Variants in FAM162B observed in about 807,000 individuals in gnomAD.
FAM162B encodes the protein family with sequence similarity 162 member B.
FAM162B carries 16 observed loss-of-function variants against 20.0 expected under a neutral mutation model. The observed-to-expected ratio is 0.80, with a 90% CI of 0.54 to 1.21. The LOEUF is 1.21. Ranked by LOEUF, FAM162B falls within the 50% of genes most tolerant of loss-of-function variation. The pLI, the probability that FAM162B is intolerant of heterozygous loss-of-function variation, is 0.00. For missense variants in FAM162B, 260 were observed against 227.5 expected, an observed-to-expected ratio of 1.14 and a Z score of -0.92; for synonymous variants, 83 against 89.7, an observed-to-expected ratio of 0.93 and a Z score of 0.42.
At chr6:116,752,742 G>GTATC (rs1554259855) in intron 3 of FAM162B, 47 bp from the exon 4 acceptor site, 3 of 387,642 alleles carry the variant, frequency 7.7e-6, no homozygotes, top group Admixed American at 5.8e-5. Flanking sequence ...ATAGATACAC[G>GTATC]TATATATATA....
chr6:116,754,342 T>G (rs568147667), intron 3 of FAM162B, among the ~76,000 whole-genome samples: 9 of 152,180 alleles, frequency 5.9e-5, no homozygotes, highest in African/African-American at 2.2e-4. Context: ...GAAGAAAATA[T>G]TTGCTAATCA....
chr6:116,763,290 A>G (rs893914400), intron 2 of FAM162B, among the ~76,000 whole-genome samples: 4 of 152,172 alleles, frequency 2.6e-5, no homozygotes, highest in Non-Finnish European at 5.9e-5. Context: ...GCACTGAGAA[A>G]AACAAGACAA....
At chr6:116,753,065 G>A (rs953438843) in intron 3 of FAM162B, among the ~76,000 whole-genome samples, 1 of 151,968 alleles carries the variant, frequency 6.6e-6, no homozygotes, top group Non-Finnish European at 1.5e-5. Context: ...CCAAAATAGA[G>A]AGTTGACATA....
At chr6:116,757,461 A>G (rs1780064598) in intron 3 of FAM162B, among the ~76,000 whole-genome samples, 1 of 152,184 alleles carries the variant, frequency 6.6e-6, no homozygotes, top group South Asian at 2.1e-4. Context: ...AGTACAATTT[A>G]TTGGATGCAT....
intron 3 of FAM162B, among the ~76,000 whole-genome samples, chr6:116,754,240 A>G (rs1481813428): frequency 6.6e-6 from 1 of 152,186 alleles, no homozygotes; most frequent in Non-Finnish European, 1.5e-5. Flanking sequence ...GATATTCTCA[A>G]CCTAGACATA....
At chr6:116,752,936 T>G (rs1160745888) in intron 3 of FAM162B, among the ~76,000 whole-genome samples, 1 of 151,844 alleles carries the variant, frequency 6.6e-6, no homozygotes, top group Non-Finnish European at 1.5e-5. Flanking sequence ...ATAGACTTTT[T>G]CAGAAGTGAG....
At position 116,765,562 on chromosome 6, in the gene FAM162B, G is replaced by A. The variant is rs1371699212; in HGVS notation, c.15C>T (p.Val5=). 2.2e-6 allele frequency: 3 copies of A among 1,373,626 alleles called. No individual in the cohort carries two copies. The highest frequency in any genetic ancestry group is 2.8e-6 in the Non-Finnish European group (3 of 1,072,254). The allele number at this position is 1,373,626 out of a possible 1,614,324, so 85.1% of individuals were successfully genotyped here. A position where few individuals can be genotyped will look rare whatever the true frequency, so the allele number is the denominator to read the frequency against. MLRA[V]GSLLRLGRGL... The stretch of plus-strand genomic sequence containing the variant: ...CGCGGCCAAGGCGCAGTAGGCTCCC[G>A]ACCGCCCTGAGCATGCTGCCCGCTT... The change falls in exon 1 of 4, where the codon GTC becomes GTT. Residue 5 remains valine (V), a synonymous_variant. Transcript: ENST00000368557.
chr6:116,762,450 A>G (rs1216785141), intron 2 of FAM162B, among the ~76,000 whole-genome samples: 1 of 151,958 alleles, frequency 6.6e-6, no homozygotes, highest in Non-Finnish European at 1.5e-5. Context: ...GCAATTATTT[A>G]GCCTCTTTGT....
chr6:116,755,534 G>C (rs1473191636), intron 3 of FAM162B, among the ~76,000 whole-genome samples: 1 of 152,220 alleles, frequency 6.6e-6, no homozygotes, highest in African/African-American at 2.4e-5. Flanking sequence ...AGAAGCTACA[G>C]CAAGTCATCT....
chr6:116,752,609 A>C lies in FAM162B; in HGVS notation c.477T>G (p.Ala159=). Residue 159 remains alanine, a synonymous_variant, in exon 4 of 4, where the codon GCT becomes GCG. Coordinates refer to ENST00000368557, the MANE Select transcript of FAM162B (RefSeq NM_001085480.3). ...GTCACTTAGAATATCATTTAGCTTTAGCCTGTGCAGCCAATGCAGCTTCTT... is the reference window on the plus strand; with the variant it reads ...GTCACTTAGAATATCATTTAGCTTTCGCCTGTGCAGCCAATGCAGCTTCTT... The part of the protein sequence containing the change: ...WREEAALAAQ[A]KAK The C allele has an allele frequency of 1.3e-6, 2 of 1,590,758 alleles. No individual in the cohort carries two copies. Among genetic ancestry groups the C allele is most frequent in the Non-Finnish European group, 1.7e-6 (2 of 1,165,794 alleles).
chr6:116,761,613 T>TATATATATACACATATATATAC (rs1244320162), intron 3 of FAM162B, among the ~76,000 whole-genome samples: 18 of 145,284 alleles, frequency 1.2e-4, no homozygotes, highest in East Asian at 4.0e-4. Flanking sequence ...ATTTTTTATA[T>TATATATATACACATATATATAC]ATATATATAC....
chr6:116,764,370 A>G (rs1343744443), intron 2 of FAM162B, among the ~76,000 whole-genome samples: 1 of 152,094 alleles, frequency 6.6e-6, no homozygotes, highest in Non-Finnish European at 1.5e-5. Flanking sequence ...TCTCTTTTTT[A>G]CCCAATCCCT....
intron 3 of FAM162B, among the ~76,000 whole-genome samples, chr6:116,752,950 A>G (rs1780009742): frequency 6.6e-6 from 1 of 151,956 alleles, no homozygotes; most frequent in African/African-American, 2.4e-5. Context: ...AAGTGAGGAA[A>G]GCTATAAGTC....
At chr6:116,754,606 C>A (rs1484011370) in intron 3 of FAM162B, among the ~76,000 whole-genome samples, 5 of 152,108 alleles carry the variant, frequency 3.3e-5, no homozygotes, top group Non-Finnish European at 7.4e-5. Context: ...CTTGAGGAAC[C>A]TGTGACAGTT....
intron 3 of FAM162B, among the ~76,000 whole-genome samples, chr6:116,754,010 G>A (rs541068524): frequency 3.3e-5 from 5 of 152,176 alleles, no homozygotes; most frequent in Non-Finnish European, 5.9e-5. Flanking sequence ...TTTATGGAAG[G>A]ACAATGGCTA....
At chr6:116,763,777 T>A (rs960836109) in intron 2 of FAM162B, among the ~76,000 whole-genome samples, 4 of 29,214 alleles carry the variant, frequency 1.4e-4, no homozygotes, top group Admixed American at 5.0e-4. Context: ...CTTATTTTAA[T>A]TTTTTTTTTT....
At chr6:116,759,295 C>CTTTTT (rs1189230762) in intron 3 of FAM162B, among the ~76,000 whole-genome samples, 5 of 141,542 alleles carry the variant, frequency 3.5e-5, no homozygotes, top group African/African-American at 8.3e-5. Flanking sequence ...TCTAATCTTT[C>CTTTTT]TTTCTTTTTT....
intron 2 of FAM162B, among the ~76,000 whole-genome samples, chr6:116,762,568 C>A (rs943196655): frequency 1.3e-5 from 2 of 151,886 alleles, no homozygotes; most frequent in African/African-American, 4.8e-5. Flanking sequence ...CATGCTACCC[C>A]CAAAAGACAC....
intron 3 of FAM162B, 24 bp from the exon 4 acceptor site, chr6:116,752,719 TATATATATATATATAG>T: frequency 1.7e-6 from 1 of 579,306 alleles, no homozygotes; most frequent in Non-Finnish European, 2.5e-6. Context: ...GAAATATATA[TATATATATATATATAG>T]ATACACGTAT....
Sources: gnomAD v4.1 joint callset for allele counts (sites outside exome capture counted in the v4.1 genomes callset) on GRCh38, gnomAD v4.1.1 for gene constraint, MANE v1.5 for transcripts, NCBI Gene and HGNC (gene_info 2026-07-23, HGNC 2026-07-21) for gene names.